The following MICU2 variants were observed in gnomAD, a reference collection of about 807,000 sequenced individuals.
MICU2 encodes the protein calcium uptake protein 2, mitochondrial.
In MICU2, 64 loss-of-function variants were observed where a neutral mutation model predicts 60.4. That is an observed-to-expected ratio of 1.06 (90% CI 0.87 to 1.31). The LOEUF (loss-of-function observed/expected upper bound fraction) is 1.31, where lower values mean the gene tolerates loss of function less well. Among genes scored for constraint, MICU2 ranks in the 50% most tolerant of loss-of-function variants. The pLI is 0.00. For synonymous variants in MICU2, 201 were observed against 175.0 expected (o/e 1.15, Z -1.17); for missense variants, 569 against 531.0 (o/e 1.07, Z -0.70).
intron 1 of MICU2, among the ~76,000 whole-genome samples, chr13:21,573,141 C>A (rs1300547949): frequency 1.3e-5 from 2 of 152,110 alleles, no homozygotes; most frequent in Admixed American, 1.3e-4. Flanking sequence ...GAAAATAGAG[C>A]TGTGAGTGGA....
chr13:21,581,210 T>C (rs1049440991), intron 1 of MICU2, among the ~76,000 whole-genome samples: 15 of 152,136 alleles, frequency 9.9e-5, no homozygotes, highest in African/African-American at 3.4e-4. Flanking sequence ...CTCCACCTCC[T>C]GGGTTCAAGC....
intron 2 of MICU2, among the ~76,000 whole-genome samples, chr13:21,555,232 G>C (rs1270675335): frequency 4.6e-5 from 7 of 152,154 alleles, no homozygotes; most frequent in African/African-American, 1.7e-4. Context: ...GAGAATTTTA[G>C]ACCAATATCC....
At chr13:21,515,179 T>C (rs1029711284) in intron 6 of MICU2, among the ~76,000 whole-genome samples, 2 of 151,376 alleles carry the variant, frequency 1.3e-5, no homozygotes, top group African/African-American at 2.4e-5. Flanking sequence ...CCTCCCGGGT[T>C]CACGCCATTC....
chr13:21,561,995 AATG>A (rs768987825), intron 2 of MICU2, among the ~76,000 whole-genome samples: 1 of 150,124 alleles, frequency 6.7e-6, no homozygotes, highest in Non-Finnish European at 1.5e-5. Context: ...GTTTACTGAG[AATG>A]ATGATTTCCA....
chr13:21,499,099 C>T (rs7336994), intron 9 of MICU2, among the ~76,000 whole-genome samples: 9,302 of 152,124 alleles, frequency 0.061, 372 homozygotes, highest in Non-Finnish European at 0.088. Context: ...TACAGGCATG[C>T]GCCACCACGC....
intron 2 of MICU2, among the ~76,000 whole-genome samples, chr13:21,542,665 T>C (rs2761909): frequency 0.36 from 54,228 of 152,068 alleles, 10,073 homozygotes; most frequent in Non-Finnish European, 0.41. Context: ...TTTGTTTTTG[T>C]AGGAGGCGGC....
chr13:21,559,895 C>T (rs961017448), intron 2 of MICU2, among the ~76,000 whole-genome samples: 4 of 152,164 alleles, frequency 2.6e-5, no homozygotes, highest in African/African-American at 9.7e-5. Context: ...ACATTCTCTT[C>T]AACTTTTGTC....
chr13:21,507,082 T>C (rs776686880), intron 8 of MICU2, among the ~76,000 whole-genome samples: 2 of 152,222 alleles, frequency 1.3e-5, no homozygotes, highest in Non-Finnish European at 2.9e-5. Context: ...ATTACAATTT[T>C]ACCTTTAGGG....
At chr13:21,534,019 TG>T (rs954578405) in intron 4 of MICU2, among the ~76,000 whole-genome samples, 1 of 147,478 alleles carries the variant, frequency 6.8e-6, no homozygotes, top group Non-Finnish European at 1.5e-5. Context: ...ACCCGGGAGG[TG>T]GAGGTTGCAG....
chr13:21,524,123 T>C (rs959734306), intron 4 of MICU2, among the ~76,000 whole-genome samples: 4 of 152,144 alleles, frequency 2.6e-5, no homozygotes, highest in South Asian at 4.1e-4. Context: ...TAAAAAACAA[T>C]TGTTCCCTCC....
chr13:21,501,364 A>G (rs574200213), intron 9 of MICU2, among the ~76,000 whole-genome samples: 31 of 151,752 alleles, frequency 2.0e-4, no homozygotes, highest in African/African-American at 5.6e-4. Context: ...CAGGGTTCAC[A>G]CTATTCTCCT....
chr13:21,598,316 A>G (rs1888739881), intron 1 of MICU2, among the ~76,000 whole-genome samples: 1 of 152,326 alleles, frequency 6.6e-6, no homozygotes, highest in African/African-American at 2.4e-5. Flanking sequence ...AACAAATAAA[A>G]TATCACTGAT....
At chr13:21,586,264 T>G (rs1888454341) in intron 1 of MICU2, among the ~76,000 whole-genome samples, 1 of 152,242 alleles carries the variant, frequency 6.6e-6, no homozygotes, top group African/African-American at 2.4e-5. Flanking sequence ...ATCCGTTTTT[T>G]TCTTTAAGCC....
Position 21,505,240 on chromosome 13 carries a change from A to T in MICU2, c.762-2143T>A, listed in dbSNP as rs75977272. 2.6e-3 allele frequency among the ~76,000 whole-genome samples: 403 copies of T among 152,324 alleles called. 2 individuals are homozygous for T. Among genetic ancestry groups the T allele is most frequent in the African/African-American group, 9.4e-3 (390 of 41,584 alleles). ...ATCTTTAAGGCTAATCATGGAGTTT[A>T]AAAGAAGAGAAAAGAAATGCAGAAG... On this transcript the variant is annotated intron_variant, in intron 8 of 11. Transcript: ENST00000382374.
At position 21,503,008 on chromosome 13, in the gene MICU2, G is replaced by T; in HGVS notation, c.851C>A (p.Ala284Glu). The T allele has an allele frequency of 6.2e-7, 1 of 1,610,174 alleles. No homozygotes were observed. The highest frequency in any genetic ancestry group is 8.5e-7 in the Non-Finnish European group (1 of 1,178,548). Residue 284 changes from alanine (A) to glutamate (E), a missense_variant, in exon 9 of 12, where the codon GCA becomes GAA. Coordinates refer to ENST00000382374, the MANE Select transcript of MICU2 (RefSeq NM_152726.3). ...GTTAGTGAAAAAAAGTAGCCACTCT[G>T]CAAAGTCTTCTTTTCTCATGAAACT... ...GLSFMRKEDF[A>E]EWLLFFTNTE... is the part of the protein sequence containing the mutation.
chr13:21,525,579 A>T (rs2138172328), intron 4 of MICU2, among the ~76,000 whole-genome samples: 1 of 150,148 alleles, frequency 6.7e-6, no homozygotes, highest in East Asian at 1.9e-4. Flanking sequence ...CCACATCCTC[A>T]ACGCTTGTAT....
chr13:21,555,919 T>G (rs1887697133), intron 2 of MICU2, among the ~76,000 whole-genome samples: 1 of 152,214 alleles, frequency 6.6e-6, no homozygotes, highest in Non-Finnish European at 1.5e-5. Context: ...TCCACTGTGC[T>G]CTCAAACTCT....
intron 1 of MICU2, among the ~76,000 whole-genome samples, chr13:21,581,398 G>A (rs1473309554): frequency 6.6e-6 from 1 of 152,182 alleles, no homozygotes; most frequent in East Asian, 1.9e-4. Context: ...GATTACAGGT[G>A]TGAGCCACTA....
intron 2 of MICU2, among the ~76,000 whole-genome samples, chr13:21,556,699 G>A (rs190694928): frequency 2.0e-5 from 3 of 152,200 alleles, no homozygotes; most frequent in East Asian, 1.9e-4. Flanking sequence ...GCAAGTTCTC[G>A]GGCAGCAAGG....
Sources: gnomAD v4.1 joint callset for allele counts (sites outside exome capture counted in the v4.1 genomes callset) on GRCh38, gnomAD v4.1.1 for gene constraint, MANE v1.5 for transcripts, NCBI Gene and HGNC (gene_info 2026-07-23, HGNC 2026-07-21) for gene names.